ATP10B: variants seen among roughly 807,000 people sequenced by gnomAD.
The protein encoded by ATP10B is ATPase phospholipid transporting 10B (putative).
Under a neutral mutation model 141.2 loss-of-function variants are expected in ATP10B, and 122 were observed. The ratio of observed to expected loss-of-function variants is 0.86; its 90% CI spans 0.75 to 1.00. ATP10B has a LOEUF of 1.00. ATP10B is among the 50% of genes least tolerant of loss of function. The pLI, the probability that ATP10B is intolerant of heterozygous loss-of-function variation, is 0.00. For missense variants in ATP10B, 1,876 were observed against 1,825.3 expected (o/e 1.03, Z -0.51); for synonymous variants, 685 against 692.0 (o/e 0.99, Z 0.16).
At chr5:160,646,589 C>T (rs959109096) in intron 8 of ATP10B, among the ~76,000 whole-genome samples, 1 of 152,166 alleles carries the variant, frequency 6.6e-6, no homozygotes, top group Non-Finnish European at 1.5e-5. Flanking sequence ...GTCTGAGGTT[C>T]AGGACCCACC....
Position 160,620,528 on chromosome 5 carries a change from C to T in ATP10B, c.2235G>A (p.Gln745=). Reference sequence around the variant, plus strand: ...TGCCCTGGGGCAGGCGCACAGTCACCTGCTCAGGTGTCCGGGACACTAGTG... The same window carrying T: ...TGCCCTGGGGCAGGCGCACAGTCACTTGCTCAGGTGTCCGGGACACTAGTG... ...SFTLVSRTPE[Q]VTVRLPQGTC... Residue 745 remains glutamine, a synonymous_variant, in exon 15 of 26, where the codon CAG becomes CAA. Transcript: ENST00000327245. The T allele has an allele frequency of 6.2e-7, 1 of 1,614,192 alleles. No individual in the cohort carries two copies. Among genetic ancestry groups the T allele is most frequent in the South Asian group, 1.1e-5 (1 of 91,080 alleles).
the ATP10B span, among the ~76,000 whole-genome samples, chr5:160,864,615 T>C: frequency 6.6e-6 from 1 of 151,926 alleles, no homozygotes; most frequent in Non-Finnish European, 1.5e-5. Context: ...AGTATCCAAA[T>C]TGGAAAATAG....
intron 1 of ATP10B, among the ~76,000 whole-genome samples, chr5:160,812,700 C>T (rs1239813281): frequency 6.7e-6 from 1 of 149,850 alleles, no homozygotes; most frequent in Non-Finnish European, 1.5e-5. Context: ...TGAAAATACA[C>T]CATCAGAGGG....
intron 13 of ATP10B, among the ~76,000 whole-genome samples, chr5:160,626,587 C>T (rs1255115225): frequency 6.6e-6 from 1 of 152,206 alleles, no homozygotes; most frequent in East Asian, 1.9e-4. Flanking sequence ...CCCTTTAACG[C>T]TATGCCAACA....
At chr5:160,596,350 T>C (rs1219310041) in intron 22 of ATP10B, among the ~76,000 whole-genome samples, 1 of 151,748 alleles carries the variant, frequency 6.6e-6, no homozygotes, top group Non-Finnish European at 1.5e-5. Flanking sequence ...CAATGCTTCA[T>C]GCTAAAAACT....
chr5:160,919,092 C>T, the ATP10B span, among the ~76,000 whole-genome samples: 4,004 of 149,680 alleles, frequency 0.027, 193 homozygotes, highest in East Asian at 0.23. Context: ...GGCATGGTGG[C>T]GCGCACCTGT....
chr5:160,586,020 T>A (rs945600234), intron 24 of ATP10B, among the ~76,000 whole-genome samples: 6 of 152,232 alleles, frequency 3.9e-5, no homozygotes, highest in Non-Finnish European at 7.3e-5. Context: ...TGCAAGTTTG[T>A]TACATAGGTA....
rs73818116 is a variant in ATP10B at position 160,649,386 on chromosome 5, T to C, written c.676-130A>G. The C allele has an allele frequency of 9.7e-3, 6,431 of 661,476 alleles. 318 individuals are homozygous for C. The African/African-American group carries it at 0.11, about 11-fold the overall frequency. The allele number at this position is 661,476 out of a possible 1,614,324, so 41.0% of individuals were successfully genotyped here. ...TCCATGCTTTGTCACACTTTGATAG[T>C]TGTAATGTGTCAGAAAAAAAAGTTA... On this transcript the variant is annotated intron_variant, in intron 7 of 25. Transcript: ENST00000327245.
At position 160,783,164 on chromosome 5, in the gene ATP10B, T is replaced by TC. The variant is rs201678978; in HGVS notation, c.-331+2394dup. On this transcript the variant is annotated intron_variant, in intron 2 of 25. Coordinates refer to ENST00000327245, the MANE Select transcript of ATP10B (RefSeq NM_025153.3). ...ACCATATTTGTAGTCTTATCCCTTG[T>TC]CCCCCTTCCACTCTTCACCCCAAGT... Among the ~76,000 whole-genome samples the TC allele has an allele frequency of 4.5e-3, 688 of 151,728 alleles. 3 individuals are homozygous for TC. Among genetic ancestry groups the TC allele is most frequent in the Non-Finnish European group, 6.7e-3 (458 of 67,906 alleles).
chr5:160,572,499 T>A (rs1754937062), intron 24 of ATP10B, among the ~76,000 whole-genome samples: 1 of 152,184 alleles, frequency 6.6e-6, no homozygotes, highest in African/African-American at 2.4e-5. Context: ...GTACCTAGTC[T>A]GAAGATAGAT....
At chr5:160,683,137 C>T (rs1203839694) in intron 6 of ATP10B, among the ~76,000 whole-genome samples, 2 of 151,898 alleles carry the variant, frequency 1.3e-5, no homozygotes, top group East Asian at 3.9e-4. Context: ...AGGCATCACA[C>T]CCCAGCAGTG....
At chr5:160,631,987 T>C (rs941075125) in intron 13 of ATP10B, 142 bp downstream of exon 13, 5 of 642,812 alleles carry the variant, frequency 7.8e-6, no homozygotes, top group Middle Eastern at 4.2e-4. Context: ...ACAAAACACA[T>C]GTGTGGAGTA....
At chr5:160,927,793 G>A in the ATP10B span, among the ~76,000 whole-genome samples, 1 of 152,168 alleles carries the variant, frequency 6.6e-6, no homozygotes, top group East Asian at 1.9e-4. Flanking sequence ...AAATAAATGG[G>A]AAGACAAGAA....
At chr5:160,659,535 A>G (rs1234341694) in intron 7 of ATP10B, among the ~76,000 whole-genome samples, 1 of 152,074 alleles carries the variant, frequency 6.6e-6, no homozygotes, top group Non-Finnish European at 1.5e-5. Context: ...AACCTAGCAG[A>G]GTTTCCTCGT....
chr5:160,649,092 T>C, intron 8 of ATP10B, 79 bp downstream of exon 8: 1 of 1,019,508 alleles, frequency 9.8e-7, no homozygotes, highest in East Asian at 2.5e-5. Context: ...GATGCTTATT[T>C]GTTTGGTCAT....
At chr5:160,663,657 GA>G (rs1762118785) in intron 7 of ATP10B, among the ~76,000 whole-genome samples, 1 of 59,090 alleles carries the variant, frequency 1.7e-5, no homozygotes, top group East Asian at 5.8e-4. Context: ...GGAGAGCGGG[GA>G]GGGATAGCAT....
chr5:160,833,810 C>T (rs536194228), intron 1 of ATP10B, among the ~76,000 whole-genome samples: 12 of 152,122 alleles, frequency 7.9e-5, no homozygotes, highest in South Asian at 2.1e-4. Context: ...AGTGAGAAGA[C>T]GCGTTTTAAA....
At chr5:160,637,579 G>C (rs1306603375) in intron 10 of ATP10B, among the ~76,000 whole-genome samples, 1 of 152,174 alleles carries the variant, frequency 6.6e-6, no homozygotes, top group Non-Finnish European at 1.5e-5. Flanking sequence ...ATCTGCAAAG[G>C]AGATAACAAC....
chr5:160,683,761 T>G (rs1027802224), intron 6 of ATP10B, among the ~76,000 whole-genome samples: 1 of 152,180 alleles, frequency 6.6e-6, no homozygotes, highest in Non-Finnish European at 1.5e-5. Context: ...GGCTGCCAAC[T>G]GCTAGCTCTG....
Sources: gnomAD v4.1 joint callset for allele counts (sites outside exome capture counted in the v4.1 genomes callset) on GRCh38, gnomAD v4.1.1 for gene constraint, MANE v1.5 for transcripts, NCBI Gene and HGNC (gene_info 2026-07-23, HGNC 2026-07-21) for gene names.